TM6SF1: variants seen among roughly 807,000 people sequenced by gnomAD.
TM6SF1 encodes transmembrane 6 superfamily member 1.
A neutral mutation model predicts 47.1 loss-of-function variants in TM6SF1; 43 were observed. The ratio of observed to expected loss-of-function variants is 0.91; its 90% CI spans 0.72 to 1.18. TM6SF1 has a LOEUF of 1.18. Among genes scored for constraint, TM6SF1 ranks in the 50% most tolerant of loss-of-function variants. The pLI, the probability that TM6SF1 is intolerant of heterozygous loss-of-function variation, is 0.00. For missense variants in TM6SF1, 390 were observed against 449.0 expected (o/e 0.87, Z 1.19); for synonymous variants, 177 against 166.3 (o/e 1.06, Z -0.49).
intron 4 of TM6SF1, 26 bp from the exon 5 acceptor site, chr15:83,121,895 A>C: frequency 6.4e-7 from 1 of 1,562,268 alleles, no homozygotes; most frequent in African/African-American, 1.4e-5. Flanking sequence ...TACCAAGTCA[A>C]GATTTTTTTG....
chr15:83,135,349 T>C (rs570212706), intron 9 of TM6SF1: 1 of 152,368 alleles, frequency 6.6e-6, no homozygotes, highest in South Asian at 2.1e-4. Context: ...CTTATATGTA[T>C]TTAAAGCAAA....
intron 9 of TM6SF1, chr15:83,136,151 A>G (rs1015360163): frequency 5.1e-6 from 1 of 195,436 alleles, no homozygotes. Flanking sequence ...TTGAGATTTT[A>G]TTCAGATTTT....
rs1285986372 is a variant in TM6SF1 at position 83,116,020 on chromosome 15, C to T, written c.294+78C>T. Reference sequence around the variant, plus strand: ...ATCACATTACTCAGAGACAGAAATCCTCTCATTTAGTGTGAACAGGTACGC... The same window carrying T: ...ATCACATTACTCAGAGACAGAAATCTTCTCATTTAGTGTGAACAGGTACGC... On this transcript the variant is annotated intron_variant, in intron 3 of 9. Coordinates refer to ENST00000322019, the MANE Select transcript of TM6SF1 (RefSeq NM_023003.5). The T allele has an allele frequency of 4.3e-6, 5 of 1,164,904 alleles. No individual in the cohort carries two copies. In the Admixed American group the frequency reaches 7.0e-5, roughly 16 times the overall value. 72.2% of individuals were successfully genotyped at this position (1,164,904 alleles called of 1,614,324 possible).
intron 1 of TM6SF1, among the ~76,000 whole-genome samples, chr15:83,112,049 G>A (rs1291203196): frequency 1.3e-5 from 2 of 152,268 alleles, no homozygotes; most frequent in South Asian, 2.1e-4. Flanking sequence ...ACCAAGCCTC[G>A]TGCCCTATCG....
intron 5 of TM6SF1, 117 bp downstream of exon 5, chr15:83,122,120 C>G: frequency 1.2e-6 from 1 of 850,330 alleles, no homozygotes; most frequent in Non-Finnish European, 1.9e-6. Context: ...TACTAAAAAC[C>G]TGTTTTGCAG....
intron 1 of TM6SF1, among the ~76,000 whole-genome samples, chr15:83,109,648 G>A (rs1344773298): frequency 2.0e-5 from 3 of 152,140 alleles, no homozygotes; most frequent in Admixed American, 2.0e-4. Flanking sequence ...CCCTGGCACT[G>A]GCCCTTTCTG....
intron 2 of TM6SF1, chr15:83,115,044 T>C (rs1011532787): frequency 2.0e-5 from 3 of 152,644 alleles, no homozygotes; most frequent in Non-Finnish European, 4.4e-5. Flanking sequence ...CCATGTGGAA[T>C]AGGGTAACCA....
chr15:83,113,246 C>A, intron 2 of TM6SF1: 1 of 374,232 alleles, frequency 2.7e-6, no homozygotes, highest in African/African-American at 2.0e-5. Flanking sequence ...GTCCCCCCCA[C>A]TTAGTGCAGA....
chr15:83,134,950 A>T (rs997892949), intron 9 of TM6SF1: 5 of 152,174 alleles, frequency 3.3e-5, no homozygotes, highest in Admixed American at 6.5e-5. Context: ...CTCTCAAGGC[A>T]TTTTGTCCTC....
intron 3 of TM6SF1, among the ~76,000 whole-genome samples, chr15:83,118,141 C>T (rs2034854995): frequency 1.3e-5 from 2 of 151,958 alleles, no homozygotes; most frequent in Admixed American, 1.3e-4. Flanking sequence ...GCGGGAGGAT[C>T]GCTTGACGCC....
At chr15:83,109,629 T>C (rs2033964153) in intron 1 of TM6SF1, among the ~76,000 whole-genome samples, 2 of 152,148 alleles carry the variant, frequency 1.3e-5, no homozygotes, top group South Asian at 4.1e-4. Flanking sequence ...GTTCCCTCCT[T>C]TCAGTTCTCC....
chr15:83,122,084 A>T, intron 5 of TM6SF1, 81 bp downstream of exon 5: 1 of 1,099,420 alleles, frequency 9.1e-7, no homozygotes, highest in African/African-American at 1.6e-5. Flanking sequence ...TCTTTTAGTT[A>T]TAATAGAACC....
chr15:83,130,978 C>T (rs1326502242), intron 9 of TM6SF1: 1 of 152,166 alleles, frequency 6.6e-6, no homozygotes, highest in Non-Finnish European at 1.5e-5. Context: ...GCAGTCCCAG[C>T]TACTAGGAAG....
At chr15:83,119,393 C>T (rs143888609) in intron 3 of TM6SF1, among the ~76,000 whole-genome samples, 185 bp from the exon 4 acceptor site, 1 of 152,192 alleles carries the variant, frequency 6.6e-6, no homozygotes, top group African/African-American at 2.4e-5. Flanking sequence ...GTGGCCAGAC[C>T]CTGGTTTTGG....
intron 3 of TM6SF1, 63 bp from the exon 4 acceptor site, chr15:83,119,515 G>A: frequency 6.6e-7 from 1 of 1,522,734 alleles, no homozygotes; most frequent in Non-Finnish European, 9.1e-7. Context: ...TTGCAATACA[G>A]GTCTGATGTT....
At chr15:83,130,880 C>T (rs2034618) in intron 9 of TM6SF1, 37,724 of 152,112 alleles carry the variant, frequency 0.25, 5,012 homozygotes, top group African/African-American at 0.34. Context: ...TGCTTGAAGT[C>T]AGGAGTTTGA....
At chr15:83,123,048 A>G (rs1287544964) in intron 6 of TM6SF1, among the ~76,000 whole-genome samples, 170 bp downstream of exon 6, 1 of 152,226 alleles carries the variant, frequency 6.6e-6, no homozygotes, top group African/African-American at 2.4e-5. Flanking sequence ...TAATGTAGGC[A>G]AGAAGGTCTG....
intron 4 of TM6SF1, 147 bp from the exon 5 acceptor site, chr15:83,121,771 CCTT>C (rs2151361709): frequency 1.6e-6 from 1 of 622,510 alleles, no homozygotes. Context: ...AACCAGGGCT[CCTT>C]GTGTTTGATT....
At chr15:83,125,891 G>C (rs971139652) in intron 7 of TM6SF1, among the ~76,000 whole-genome samples, 1 of 152,212 alleles carries the variant, frequency 6.6e-6, no homozygotes, top group Non-Finnish European at 1.5e-5. Flanking sequence ...CTGGCTAACA[G>C]GAGGAGGGGC....
Sources: allele counts gnomAD v4.1 joint callset (sites outside exome capture counted in the v4.1 genomes callset), GRCh38; gene constraint gnomAD v4.1.1; transcripts MANE v1.5; gene names NCBI Gene and HGNC (gene_info 2026-07-23, HGNC 2026-07-21).